CELSR2: variants seen among roughly 807,000 people sequenced by gnomAD.
CELSR2 encodes the protein cadherin EGF LAG seven-pass G-type receptor 2.
A neutral mutation model predicts 251.6 loss-of-function variants in CELSR2; 81 were observed. The observed-to-expected ratio is 0.32, with a 90% CI of 0.27 to 0.39. The LOEUF is 0.39. CELSR2 is among the 10% of genes least tolerant of loss of function. The pLI is 1.00. For missense variants in CELSR2, 3,365 were observed against 3,947.7 expected, an observed-to-expected ratio of 0.85 and a Z score of 3.96; for synonymous variants, 1,721 against 1,670.5, an observed-to-expected ratio of 1.03 and a Z score of -0.74.
At position 109,251,160 on chromosome 1, in the gene CELSR2, G is replaced by A. The variant is rs1655675311; in HGVS notation, c.1081G>A (p.Glu361Lys). The A allele has an allele frequency of 6.2e-7, 1 of 1,613,350 alleles. No individual in the cohort carries two copies. Among genetic ancestry groups the A allele is most frequent in the Non-Finnish European group, 8.5e-7 (1 of 1,180,024 alleles). The change falls in exon 1 of 34, where the codon GAA (glutamate) becomes AAA (lysine). Residue 361 changes from glutamate (E) to lysine (K), a missense_variant. By Grantham distance (56) the Glu-to-Lys change is moderately conservative. Transcript: ENST00000271332. This position sits in a 1 kb window ranked among gnomAD's most constrained non-coding sequence, Gnocchi z 4.9. Reference sequence around the variant, plus strand: ...TGGCCCTGTGGATCGGGAAGAGGTGGAATCCTACCAGCTGACGGTAGAGGC... The same window carrying A: ...TGGCCCTGTGGATCGGGAAGAGGTGAAATCCTACCAGCTGACGGTAGAGGC... ...TRGPVDREEV[E>K]SYQLTVEASD...
At chr1:109,264,735 C>T in intron 11 of CELSR2, 107 bp downstream of exon 11, 2 of 1,574,814 alleles carry the variant, frequency 1.3e-6, no homozygotes, top group African/African-American at 2.7e-5. Flanking sequence ...CTCTCTGAGT[C>T]TTAGTTGCCT....
At chr1:109,266,751 C>T (rs1435811303) in intron 15 of CELSR2, among the ~76,000 whole-genome samples, 4 of 143,772 alleles carry the variant, frequency 2.8e-5, no homozygotes, top group African/African-American at 7.8e-5. Context: ...GACGGAGTCT[C>T]GCTCTGTCAT....
rs1343325702 is a variant in CELSR2, at chr1:109,257,967, A to AC, written c.3311-460dup. 4.3e-4 allele frequency among the ~76,000 whole-genome samples: 65 copies of AC among 151,450 alleles called. 1 individual carries two copies. Among genetic ancestry groups the AC allele is most frequent in the Non-Finnish European group, 1.6e-4 (11 of 67,856 alleles). The stretch of plus-strand genomic sequence containing the variant: ...TGACCCAGTTTACCCACTCCCCCCC[A>AC]CCCCCGCCAACTCCCTGCTGCTGTG... On this transcript the variant is annotated intron_variant, in intron 1 of 33. Coordinates refer to ENST00000271332, the MANE Select transcript of CELSR2 (RefSeq NM_001408.3).
chr1:109,262,552 A>C, intron 6 of CELSR2, 108 bp downstream of exon 6: 1 of 1,467,582 alleles, frequency 6.8e-7, no homozygotes, highest in Non-Finnish European at 9.1e-7. Flanking sequence ...TGCCTCTCTT[A>C]GCCCCTGCTC....
rs79633065 is a variant in CELSR2, at chr1:109,268,210, C to T, written c.6318+150C>T. On this transcript the variant is annotated intron_variant, in intron 17 of 33. Transcript: ENST00000271332. The stretch of plus-strand genomic sequence containing the variant: ...GGAGGCCTCCATGAAACCCTGTGAC[C>T]CCTGGCCCAGCCCTCTTCCCAACCC... 5,467 of 1,237,220 alleles carry T rather than the reference C, an allele frequency of 4.4e-3. 170 individuals carry two copies. The African/African-American group carries it at 0.073, about 17-fold the overall frequency. The allele number at this position is 1,237,220 out of a possible 1,614,324, so 76.6% of individuals were successfully genotyped here.
At chr1:109,260,007 C>T (rs1655973472) in intron 2 of CELSR2, among the ~76,000 whole-genome samples, 1 of 152,012 alleles carries the variant, frequency 6.6e-6, no homozygotes, top group Admixed American at 6.6e-5. Context: ...GGGCCATGCC[C>T]ACTGGCTCTG....
chr1:109,250,264 C>T lies in CELSR2; in HGVS notation c.185C>T (p.Ala62Val), dbSNP rs1177612249. Residue 62 changes from alanine to valine, a missense_variant, in exon 1 of 34, where the codon GCG becomes GTG. Around this residue, in one of 5 missense-constraint regions of CELSR2, gnomAD observed 704 missense variants for 784.1 expected, o/e 0.90. Coordinates refer to ENST00000271332, the MANE Select transcript of CELSR2 (RefSeq NM_001408.3). This position sits in a 1 kb window ranked among gnomAD's most constrained non-coding sequence, Gnocchi z 4.4. ...ATGGGCTGGCTCTGTCCATCCTCAG[C>T]GTCGAACCTCTGGCTCTACACCAGC... Reference protein sequence around the residue: ...APMGWLCPSSASNLWLYTSRC... With the variant: ...APMGWLCPSSVSNLWLYTSRC... 6.2e-7 allele frequency: 1 copy of T among 1,612,310 alleles called. No homozygotes were observed. Among genetic ancestry groups the T allele is most frequent in the South Asian group, 1.1e-5 (1 of 91,006 alleles).
In CELSR2 at chr1:109,269,308, A is replaced by G. The variant is rs756681367; in HGVS notation, c.6812+18A>G. 5.6e-6 allele frequency: 9 copies of G among 1,612,566 alleles called. No homozygotes were observed. The highest frequency in any genetic ancestry group is 6.8e-6 in the Non-Finnish European group (8 of 1,179,818). On this transcript the variant is annotated intron_variant, in intron 20 of 33. Transcript: ENST00000271332. This position sits in a 1 kb window ranked among gnomAD's most constrained non-coding sequence, Gnocchi z 6.4. Reference sequence around the variant, plus strand: ...AGCTTGAGGTCAGCAGCTAGGGGACAGGTGTGGGTAGGGGTATGGGTCGGG... The same window carrying G: ...AGCTTGAGGTCAGCAGCTAGGGGACGGGTGTGGGTAGGGGTATGGGTCGGG...
chr1:109,266,098 C>T lies in CELSR2; in HGVS notation c.5912-7C>T, dbSNP rs1468875763. 6.2e-7 allele frequency: 1 copy of T among 1,613,764 alleles called. No homozygotes were observed. Among genetic ancestry groups the T allele is most frequent in the Admixed American group, 1.7e-5 (1 of 60,004 alleles). On this transcript the variant is annotated splice_region_variant and splice_polypyrimidine_tract_variant and intron_variant, in intron 14 of 33. Coordinates refer to ENST00000271332, the MANE Select transcript of CELSR2 (RefSeq NM_001408.3). Reference sequence around the variant, plus strand: ...GCTCCTGGGTGACCATGTGCTCTTCCCCGCAGTGAATTATGACAGCTGCCC... The same window carrying T: ...GCTCCTGGGTGACCATGTGCTCTTCTCCGCAGTGAATTATGACAGCTGCCC...
intron 13 of CELSR2, 118 bp downstream of exon 13, chr1:109,265,429 T>G: frequency 8.3e-7 from 1 of 1,199,428 alleles, no homozygotes; most frequent in Non-Finnish European, 1.2e-6. Flanking sequence ...CCTTGTGCCT[T>G]TGCTCTCACA....
chr1:109,254,120 G>T (rs1338941702), intron 1 of CELSR2, among the ~76,000 whole-genome samples: 1 of 152,344 alleles, frequency 6.6e-6, no homozygotes, highest in African/African-American at 2.4e-5. Flanking sequence ...AAGCTGGGGG[G>T]CAGGCTGAGG....
chr1:109,265,394 A>T (rs1240350443), intron 13 of CELSR2, 83 bp downstream of exon 13: 5 of 1,426,450 alleles, frequency 3.5e-6, no homozygotes, highest in Middle Eastern at 1.8e-4. Context: ...GGCTGTAGGG[A>T]TGGGTCTTCC....
rs1350311286 is a variant in CELSR2, at chr1:109,274,176, C to T, written c.*127C>T. Reference sequence around the variant, plus strand: ...CTGCCCGCAGCAGCGACGAAACGTCCATCTGAGGAGCCTGGGCCTTGCCGG... The same window carrying T: ...CTGCCCGCAGCAGCGACGAAACGTCTATCTGAGGAGCCTGGGCCTTGCCGG... On this transcript the variant is annotated 3_prime_UTR_variant, in exon 34 of 34. Transcript: ENST00000271332. The T allele has an allele frequency of 3.1e-6, 5 of 1,594,742 alleles. No homozygotes were observed. The Admixed American group carries it at 8.4e-5, about 27-fold the overall frequency.
intron 1 of CELSR2, 34 bp from the exon 2 acceptor site, chr1:109,258,398 C>T (rs979087578): frequency 3.4e-6 from 5 of 1,492,440 alleles, no homozygotes; most frequent in Admixed American, 4.2e-5. Context: ...AATTGCAGCC[C>T]CAGGCTGGGT....
intron 17 of CELSR2, among the ~76,000 whole-genome samples, chr1:109,268,332 A>C (rs543205555): frequency 6.6e-6 from 1 of 152,278 alleles, no homozygotes; most frequent in Admixed American, 6.5e-5. Flanking sequence ...ATCTCAGGAC[A>C]TGTGTGTGGG....
chr1:109,271,458 C>T lies in CELSR2; in HGVS notation c.7749C>T (p.Val2583=). 1 of 1,614,120 alleles carries T rather than the reference C, an allele frequency of 6.2e-7. No individual in the cohort carries two copies. Among genetic ancestry groups the T allele is most frequent in the African/African-American group, 1.3e-5 (1 of 75,060 alleles). ...SATWLLALLS[V]NSDTLLFHYL... Reference sequence around the variant, plus strand: ...CGTGGCTGCTGGCACTGCTCTCTGTCAACAGCGACACCCTCCTCTTCCACT... The same window carrying T: ...CGTGGCTGCTGGCACTGCTCTCTGTTAACAGCGACACCCTCCTCTTCCACT... The change falls in exon 27 of 34, where the codon GTC becomes GTT. Residue 2583 remains valine (V), a synonymous_variant. Transcript: ENST00000271332.
intron 6 of CELSR2, 60 bp from the exon 7 acceptor site, chr1:109,262,746 G>A (rs1283865983): frequency 8.2e-6 from 13 of 1,585,076 alleles, no homozygotes; most frequent in Admixed American, 1.7e-5. Flanking sequence ...GCGGCAGAGC[G>A]AGCGGAGGAC....
chr1:109,262,586 T>C (rs1656049098), intron 6 of CELSR2, 142 bp downstream of exon 6: 1 of 1,365,402 alleles, frequency 7.3e-7, no homozygotes, highest in Admixed American at 2.4e-5. Flanking sequence ...GGGTCAAGAC[T>C]GGGGAATCAG....
Position 109,274,243 on chromosome 1 carries a change from C to A in CELSR2, c.*194C>A. ...ACCTAAGGCCATCTAGTGCCAACTC[C>A]CCCCCCACCATTCCCCTCACTGCAC... On this transcript the variant is annotated 3_prime_UTR_variant, in exon 34 of 34. Coordinates refer to ENST00000271332, the MANE Select transcript of CELSR2 (RefSeq NM_001408.3). The A allele has an allele frequency of 7.3e-7, 1 of 1,369,422 alleles. No homozygotes were observed. The highest frequency in any genetic ancestry group is 9.7e-7 in the Non-Finnish European group (1 of 1,031,724). 84.8% of individuals were successfully genotyped at this position (1,369,422 alleles called of 1,614,324 possible). A position where few individuals can be genotyped will look rare whatever the true frequency, so the allele number is the denominator to read the frequency against.
Sources: gnomAD v4.1 joint callset for allele counts (sites outside exome capture counted in the v4.1 genomes callset) on GRCh38, gnomAD v4.1.1 for gene constraint, gnomAD v4.1.1 regional missense constraint, Gnocchi (gnomAD v3.1) non-coding constraint, MANE v1.5 for transcripts, NCBI Gene and HGNC (gene_info 2026-07-23, HGNC 2026-07-21) for gene names.